The following PIK3AP1 variants were observed in gnomAD, a reference collection of about 807,000 sequenced individuals.
PIK3AP1 encodes the protein phosphoinositide-3-kinase adaptor protein 1.
In PIK3AP1, 21 loss-of-function variants were observed where a neutral mutation model predicts 88.1. That is an observed-to-expected ratio of 0.24 (90% CI 0.17 to 0.34). The LOEUF is 0.34. Ranked by LOEUF, PIK3AP1 falls within the 10% of genes least tolerant of loss-of-function variation. PIK3AP1 has a pLI of 1.00. For missense variants in PIK3AP1, 828 were observed against 1,035.7 expected (o/e 0.80, Z 2.75); for synonymous variants, 398 against 400.0 (o/e 1.00, Z 0.06).
chr10:96,624,661 C>CA lies in PIK3AP1; in HGVS notation c.1670-1125dup, dbSNP rs5787202. On this transcript the variant is annotated intron_variant, in intron 10 of 16. Transcript: ENST00000339364. ...TGGGCAACACAGCAAGACCCTGTCTCAAAAAAAAAAAAAAGAAAGGTGAAA... is the reference window on the plus strand; with the variant it reads ...TGGGCAACACAGCAAGACCCTGTCTCAAAAAAAAAAAAAAAGAAAGGTGAAA... Among the ~76,000 whole-genome samples, 16 of 139,446 alleles carry CA rather than the reference C, an allele frequency of 1.1e-4. No individual in the cohort carries two copies. In the South Asian group the frequency reaches 3.0e-3, roughly 26 times the overall value. 91.5% of individuals were successfully genotyped at this position (139,446 alleles called of 152,430 possible). A position where few individuals can be genotyped will look rare whatever the true frequency, so the allele number is the denominator to read the frequency against.
chr10:96,635,973 C>T (rs1202849912), intron 8 of PIK3AP1, among the ~76,000 whole-genome samples: 3 of 151,266 alleles, frequency 2.0e-5, no homozygotes, highest in South Asian at 2.1e-4. Flanking sequence ...TTTGGGAGGC[C>T]GAGGGGGGTG....
At chr10:96,698,380 G>A (rs1393369869) in intron 2 of PIK3AP1, among the ~76,000 whole-genome samples, 1 of 152,192 alleles carries the variant, frequency 6.6e-6, no homozygotes, top group Admixed American at 6.5e-5. Context: ...GCCGGACGCT[G>A]TGGCTCACGC....
At chr10:96,631,125 A>G (rs1485256719) in intron 8 of PIK3AP1, among the ~76,000 whole-genome samples, 1 of 152,186 alleles carries the variant, frequency 6.6e-6, no homozygotes, top group Non-Finnish European at 1.5e-5. Flanking sequence ...GAGAAACTCC[A>G]CAGCCCTGTG....
At chr10:96,597,383 T>C (rs1181954939) in intron 16 of PIK3AP1, among the ~76,000 whole-genome samples, 1 of 94,766 alleles carries the variant, frequency 1.1e-5, no homozygotes, top group African/African-American at 4.6e-5. Context: ...TCTCTTTCTT[T>C]CTTTCTTTCT....
chr10:96,678,564 C>T (rs980786524), intron 2 of PIK3AP1, among the ~76,000 whole-genome samples: 1 of 152,136 alleles, frequency 6.6e-6, no homozygotes, highest in Non-Finnish European at 1.5e-5. Flanking sequence ...ACCACTGTAC[C>T]TGGCCTATAC....
intron 2 of PIK3AP1, among the ~76,000 whole-genome samples, chr10:96,698,143 G>C (rs1365378588): frequency 6.6e-6 from 1 of 152,214 alleles, no homozygotes; most frequent in South Asian, 2.1e-4. Flanking sequence ...CCTCACAAAG[G>C]CTGCCAGGAG....
chr10:96,637,314 TCACACA>T (rs55885337), intron 8 of PIK3AP1, among the ~76,000 whole-genome samples: 1,502 of 128,056 alleles, frequency 0.012, 17 homozygotes, highest in African/African-American at 0.028. Flanking sequence ...AGATATACAA[TCACACA>T]CACACACACA....
Position 96,623,515 on chromosome 10 carries a change from C to T in PIK3AP1, c.1692G>A (p.Glu564=). ...IFKVFAEKSQ[E]RPGNFYVSSE... is the part of the protein sequence containing the mutation. The stretch of plus-strand genomic sequence containing the variant: ...AGGAAACGTAGAAATTCCCAGGCCG[C>T]TCTTGACTTTTTTCTGCAAAAACTA... Residue 564 remains glutamate, a synonymous_variant, in exon 11 of 17, where the codon GAG becomes GAA. Coordinates refer to ENST00000339364, the MANE Select transcript of PIK3AP1 (RefSeq NM_152309.3). 1 of 1,611,644 alleles carries T rather than the reference C, an allele frequency of 6.2e-7. No individual in the cohort carries two copies. Among genetic ancestry groups the T allele is most frequent in the African/African-American group, 1.3e-5 (1 of 74,984 alleles).
chr10:96,664,533 C>T (rs559930456), intron 2 of PIK3AP1, among the ~76,000 whole-genome samples: 1 of 150,966 alleles, frequency 6.6e-6, no homozygotes, highest in Non-Finnish European at 1.5e-5. Flanking sequence ...CCAATGCAAT[C>T]TATTAGCTAA....
At chr10:96,711,739 A>ATTTTT (rs763923650) in intron 1 of PIK3AP1, among the ~76,000 whole-genome samples, 3,755 of 66,366 alleles carry the variant, frequency 0.057, 547 homozygotes, top group East Asian at 0.09. Context: ...AGATTACCAA[A>ATTTTT]TTTTTTTTTT....
At chr10:96,638,970 G>A (rs1306560618) in intron 8 of PIK3AP1, among the ~76,000 whole-genome samples, 1 of 152,076 alleles carries the variant, frequency 6.6e-6, no homozygotes, top group African/African-American at 2.4e-5. Flanking sequence ...ATGAATGAAC[G>A]AACTAATAAA....
intron 2 of PIK3AP1, among the ~76,000 whole-genome samples, chr10:96,672,642 C>T (rs1369393452): frequency 6.6e-6 from 1 of 151,682 alleles, no homozygotes; most frequent in African/African-American, 2.4e-5. Flanking sequence ...TCAGCTTGAG[C>T]AAAAATAGCA....
chr10:96,688,747 G>A (rs1163723829), intron 2 of PIK3AP1, among the ~76,000 whole-genome samples: 1 of 151,794 alleles, frequency 6.6e-6, no homozygotes, highest in Non-Finnish European at 1.5e-5. Context: ...GCAGTGAGCT[G>A]AGATCATGCC....
At chr10:96,602,040 T>C (rs1848906540) in intron 16 of PIK3AP1, among the ~76,000 whole-genome samples, 1 of 152,162 alleles carries the variant, frequency 6.6e-6, no homozygotes, top group South Asian at 2.1e-4. Context: ...TGTGCCATCA[T>C]GCTCGGCTAA....
chr10:96,641,121 G>A (rs1447561471), intron 8 of PIK3AP1, among the ~76,000 whole-genome samples: 2 of 122,872 alleles, frequency 1.6e-5, no homozygotes, highest in Non-Finnish European at 2.0e-5. Flanking sequence ...GTGTGTGTGT[G>A]TGTGCGTGTG....
intron 4 of PIK3AP1, among the ~76,000 whole-genome samples, chr10:96,651,874 T>C (rs1287163881): frequency 4.6e-5 from 7 of 152,068 alleles, no homozygotes; most frequent in Non-Finnish European, 1.0e-4. Flanking sequence ...TTTATCCTCA[T>C]TGGGTTTGCA....
intron 2 of PIK3AP1, among the ~76,000 whole-genome samples, chr10:96,694,785 C>T (rs1326273633): frequency 6.6e-6 from 1 of 152,074 alleles, no homozygotes. Context: ...GCAATCCTCC[C>T]GCCTCAGCCT....
In PIK3AP1 at chr10:96,628,506, G is replaced by A. The variant is rs1283037635; in HGVS notation, c.1376-13C>T. ...AGCATTTCAACATCTAGAAGGAAAA[G>A]GAGACTAAGAGTTATATATTGGTCT... On this transcript the variant is annotated splice_polypyrimidine_tract_variant and intron_variant, in intron 8 of 16. Transcript: ENST00000339364. 6.3e-7 allele frequency: 1 copy of A among 1,592,396 alleles called. No homozygotes were observed. The highest frequency in any genetic ancestry group is 1.3e-5 in the African/African-American group (1 of 74,504).
chr10:96,610,480 C>T (rs1411671696), intron 13 of PIK3AP1, among the ~76,000 whole-genome samples: 6 of 151,496 alleles, frequency 4.0e-5, no homozygotes, highest in Non-Finnish European at 7.4e-5. Context: ...CTCCGGAGTC[C>T]AGGCTCTTAA....
Sources: allele counts gnomAD v4.1 joint callset (sites outside exome capture counted in the v4.1 genomes callset), GRCh38; gene constraint gnomAD v4.1.1; transcripts MANE v1.5; gene names NCBI Gene and HGNC (gene_info 2026-07-23, HGNC 2026-07-21).